Variants in CNTNAP3 observed in about 807,000 individuals in gnomAD.
The protein encoded by CNTNAP3 is contactin-associated protein-like 3.
Under a neutral mutation model 92.1 loss-of-function variants are expected in CNTNAP3, and 36 were observed. The ratio of observed to expected loss-of-function variants is 0.39; its 90% CI spans 0.30 to 0.52. The LOEUF (loss-of-function observed/expected upper bound fraction) is 0.52, where lower values mean the gene tolerates loss of function less well. Among genes scored for constraint, CNTNAP3 ranks in the 20% least tolerant of loss-of-function variants. The pLI, the probability that CNTNAP3 is intolerant of heterozygous loss-of-function variation, is 0.76. For synonymous variants in CNTNAP3, 232 were observed against 422.3 expected, an observed-to-expected ratio of 0.55 and a Z score of 5.53; for missense variants, 534 against 1,069.6, an observed-to-expected ratio of 0.50 and a Z score of 6.98.
At chr9:39,087,582 G>A (rs1292610080) in intron 19 of CNTNAP3, among the ~76,000 whole-genome samples, 2 of 152,096 alleles carry the variant, frequency 1.3e-5, no homozygotes, top group African/African-American at 4.8e-5. Context: ...TGCCTCCTGG[G>A]TTCACGCCAT....
At chr9:39,113,308 G>C (rs1820754547) in intron 14 of CNTNAP3, among the ~76,000 whole-genome samples, 1 of 152,080 alleles carries the variant, frequency 6.6e-6, no homozygotes, top group African/African-American at 2.4e-5. Context: ...TAATTCTCTT[G>C]AATAAGTTTT....
chr9:39,101,701 T>C (rs1826459525), intron 17 of CNTNAP3, among the ~76,000 whole-genome samples: 2 of 150,430 alleles, frequency 1.3e-5, no homozygotes, highest in Non-Finnish European at 3.0e-5. Flanking sequence ...GCGGGTATCC[T>C]GCGATCTGGT....
chr9:39,101,289 G>A (rs1332146), intron 17 of CNTNAP3, among the ~76,000 whole-genome samples: 30,579 of 151,140 alleles, frequency 0.2, 3,360 homozygotes, highest in East Asian at 0.36. Flanking sequence ...GTAGCATTTA[G>A]TACCTGGAAG....
At chr9:39,095,970 C>G (rs1826316344) in intron 18 of CNTNAP3, among the ~76,000 whole-genome samples, 1 of 151,244 alleles carries the variant, frequency 6.6e-6, no homozygotes, top group African/African-American at 2.4e-5. Context: ...TGTCTATAAA[C>G]TCTCTTATTT....
chr9:39,127,780 GA>G (rs927675733), intron 13 of CNTNAP3, among the ~76,000 whole-genome samples: 1 of 151,252 alleles, frequency 6.6e-6, no homozygotes, highest in Non-Finnish European at 1.5e-5. Flanking sequence ...TAAAATTACT[GA>G]AAAAAAAATC....
intron 21 of CNTNAP3, among the ~76,000 whole-genome samples, chr9:39,081,151 A>T (rs964961075): frequency 1.3e-5 from 2 of 151,608 alleles, no homozygotes; most frequent in Non-Finnish European, 2.9e-5. Flanking sequence ...TGTACCTGGC[A>T]ATCACACCAC....
In CNTNAP3 at chr9:39,099,972, T is replaced by C; in HGVS notation, c.2934A>G (p.Lys978=). 6.2e-7 allele frequency: 1 copy of C among 1,606,056 alleles called. No homozygotes were observed. The highest frequency in any genetic ancestry group is 1.1e-5 in the South Asian group (1 of 89,944). Residue 978 remains lysine, a synonymous_variant, in exon 18 of 24, where the codon AAA becomes AAG. Transcript: ENST00000297668. Reference sequence around the variant, plus strand: ...CACAGTCACAGGTGACCCCCCTGCGTTTCTCTCTGCATCTCCCTCCATTGC... The same window carrying C: ...CACAGTCACAGGTGACCCCCCTGCGCTTCTCTCTGCATCTCCCTCCATTGC... The part of the protein sequence containing the change: ...LCRNGGRCRE[K]RRGVTCDCAF...
rs1473475145 is a variant in CNTNAP3, at chr9:39,065,437, G to A, written c.*8453C>T. ...TATTATAAGTAAAGATGCTATAAAC[G>A]TTCTTGTGTAAGTCTTATAATGGGC... On this transcript the variant is annotated 3_prime_UTR_variant, in exon 24 of 24. Coordinates refer to ENST00000297668, the MANE Select transcript of CNTNAP3 (RefSeq NM_033655.5). 2.4e-3 allele frequency among the ~76,000 whole-genome samples: 359 copies of A among 152,044 alleles called. No individual in the cohort carries two copies. Among genetic ancestry groups the A allele is most frequent in the African/African-American group, 8.0e-3 (332 of 41,498 alleles).
rs573486670 is a variant in CNTNAP3 at position 39,138,027 on chromosome 9, G to T, written c.1876+2492C>A. ...GATACATGTCACCATGCTGTTTTTT[G>T]TTGTTGTTGTTGTCACAATGCTGTT... On this transcript the variant is annotated intron_variant, in intron 12 of 23. Transcript: ENST00000297668. Among the ~76,000 whole-genome samples, 101 of 149,726 alleles carry T rather than the reference G, an allele frequency of 6.7e-4. 4 individuals are homozygous for T. The highest frequency in any genetic ancestry group is 2.1e-4 in the South Asian group (1 of 4,698).
At chr9:39,146,928 C>T (rs1456695962) in intron 10 of CNTNAP3, among the ~76,000 whole-genome samples, 1 of 152,136 alleles carries the variant, frequency 6.6e-6, no homozygotes, top group East Asian at 1.9e-4. Context: ...ACCCAAATCT[C>T]ATCTTGAATT....
intron 12 of CNTNAP3, among the ~76,000 whole-genome samples, chr9:39,134,581 C>T (rs1398084750): frequency 1.3e-5 from 2 of 152,166 alleles, no homozygotes; most frequent in East Asian, 1.9e-4. Flanking sequence ...CACACCACCA[C>T]ACCTGGCTAA....
chr9:39,151,833 T>C (rs1223519723), intron 9 of CNTNAP3, among the ~76,000 whole-genome samples: 4 of 147,822 alleles, frequency 2.7e-5, no homozygotes, highest in Middle Eastern at 3.3e-3. Flanking sequence ...TCTGTAAGTA[T>C]TGTCTCTTTC....
chr9:39,133,128 G>T lies in CNTNAP3; in HGVS notation c.1884C>A (p.Ala628=), dbSNP rs776121037. The change falls in exon 13 of 24, where the codon GCC becomes GCA. Residue 628 remains alanine (A), a synonymous_variant. Transcript: ENST00000297668. ...CACCGTGCTGCACCACCGTCCACGC[G>T]GCGTCTGCTGAGCAGAAACGGGCAA... is the stretch of plus-strand genomic sequence containing the variant. ...FLVYCNMTAD[A]AWTVVQHGGP... 2.9e-5 allele frequency: 45 copies of T among 1,573,240 alleles called. No individual in the cohort carries two copies. The highest frequency in any genetic ancestry group is 3.5e-5 in the Non-Finnish European group (41 of 1,165,052).
rs1264338930 is a variant in CNTNAP3 at position 39,070,798 on chromosome 9, C to A, written c.*3092G>T. Among the ~76,000 whole-genome samples, 1 of 152,280 alleles carries A rather than the reference C, an allele frequency of 6.6e-6. No individual in the cohort carries two copies. Among genetic ancestry groups the A allele is most frequent in the Non-Finnish European group, 1.5e-5 (1 of 68,040 alleles). ...TTCATGTACTCCATAAATATATACA[C>A]CTAGTATGTACACAAAAATTAAAAA... On this transcript the variant is annotated 3_prime_UTR_variant, in exon 24 of 24. Coordinates refer to ENST00000297668, the MANE Select transcript of CNTNAP3 (RefSeq NM_033655.5).
chr9:39,148,814 G>A (rs1020887132), intron 10 of CNTNAP3, among the ~76,000 whole-genome samples: 11 of 152,114 alleles, frequency 7.2e-5, no homozygotes, highest in Non-Finnish European at 1.2e-4. Flanking sequence ...CGTGAGCCAC[G>A]GCGCCGGGCC....
intron 10 of CNTNAP3, among the ~76,000 whole-genome samples, chr9:39,146,093 G>A (rs1476349609): frequency 1.3e-5 from 2 of 152,130 alleles, no homozygotes; most frequent in Admixed American, 6.5e-5. Context: ...CTACCAACAA[G>A]TATACACTAT....
At position 39,064,992 on chromosome 9, in the gene CNTNAP3, T is replaced by C. The variant is rs1825480716; in HGVS notation, c.*8898A>G. On this transcript the variant is annotated 3_prime_UTR_variant, in exon 24 of 24. Coordinates refer to ENST00000297668, the MANE Select transcript of CNTNAP3 (RefSeq NM_033655.5). ...ATATACACATATATATACATGTACA[T>C]ATTTATTGAAGTATAATTTATATAC... Among the ~76,000 whole-genome samples the C allele has an allele frequency of 6.6e-6, 1 of 152,300 alleles. No homozygotes were observed. The highest frequency in any genetic ancestry group is 2.4e-5 in the African/African-American group (1 of 41,484).
intron 10 of CNTNAP3, among the ~76,000 whole-genome samples, chr9:39,148,395 A>G (rs3002788): frequency 2.0e-5 from 3 of 152,186 alleles, no homozygotes; most frequent in East Asian, 1.9e-4. Flanking sequence ...GTCACTAACT[A>G]TGAGTTATAA....
rs1439448362 is a variant in CNTNAP3, at chr9:39,109,293, G to T, written c.2238-6C>A. On this transcript the variant is annotated splice_region_variant and splice_polypyrimidine_tract_variant and intron_variant, in intron 14 of 23. Transcript: ENST00000297668. ...GGACTATTGTGTCACTAGTCCTAAA[G>T]AACAACAACCGAAACCATTAAAATT... 1 of 1,611,414 alleles carries T rather than the reference G, an allele frequency of 6.2e-7. No homozygotes were observed. The highest frequency in any genetic ancestry group is 1.3e-5 in the African/African-American group (1 of 74,888).
Sources: gnomAD v4.1 joint callset for allele counts (sites outside exome capture counted in the v4.1 genomes callset) on GRCh38, gnomAD v4.1.1 for gene constraint, MANE v1.5 for transcripts, NCBI Gene and HGNC (gene_info 2026-07-23, HGNC 2026-07-21) for gene names.